The following RAB5C variants were observed in gnomAD, a reference collection of about 807,000 sequenced individuals.
RAB5C encodes ras-related protein Rab-5C.
In RAB5C, 4 loss-of-function variants were observed where a neutral mutation model predicts 25.2. That is an observed-to-expected ratio of 0.16 (90% CI 0.08 to 0.36). RAB5C has a LOEUF of 0.36. RAB5C is among the 10% of genes least tolerant of loss of function. The pLI is 1.00. For synonymous variants in RAB5C, 100 were observed against 106.4 expected (o/e 0.94, Z 0.37); for missense variants, 199 against 283.8 (o/e 0.70, Z 2.15).
At chr17:42,148,381 G>C (rs1219524935) in intron 1 of RAB5C, among the ~76,000 whole-genome samples, 2 of 143,676 alleles carry the variant, frequency 1.4e-5, no homozygotes, top group African/African-American at 5.4e-5. Context: ...TCCAGCCTGG[G>C]TGAGAGGTCA....
chr17:42,143,155 A>C (rs2079612673), intron 1 of RAB5C, among the ~76,000 whole-genome samples: 1 of 152,160 alleles, frequency 6.6e-6, no homozygotes, highest in Non-Finnish European at 1.5e-5. Context: ...CAGGGGGTAG[A>C]TTTCCCAGGT....
intron 1 of RAB5C, among the ~76,000 whole-genome samples, chr17:42,144,571 T>C (rs1009063154): frequency 6.6e-6 from 1 of 151,866 alleles, no homozygotes; most frequent in African/African-American, 2.4e-5. Flanking sequence ...CCCAGCACCT[T>C]GGGAGGCCGA....
Position 42,150,544 on chromosome 17 carries a change from C to CAAAAAAA in RAB5C, c.-89+4342_-89+4348dup, listed in dbSNP as rs759878778. ...GGGAGACAAGAGTGAAACTCCATCT[C>CAAAAAAA]AAAAAAAAAAAAAAAAAAAAAAAAA... On this transcript the variant is annotated intron_variant, in intron 1 of 5. Coordinates refer to ENST00000346213, the MANE Select transcript of RAB5C (RefSeq NM_004583.4). Among the ~76,000 whole-genome samples, 53 of 19,380 alleles carry CAAAAAAA rather than the reference C, an allele frequency of 2.7e-3. 10 individuals are homozygous for CAAAAAAA. The highest frequency in any genetic ancestry group is 0.011 in the African/African-American group (46 of 4,224). The allele number at this position is 19,380 out of a possible 152,430, so 12.7% of individuals were successfully genotyped here.
Position 42,125,675 on chromosome 17 carries a change from C to T in RAB5C, c.*108G>A. On this transcript the variant is annotated 3_prime_UTR_variant, in exon 6 of 6. Transcript: ENST00000346213. The stretch of plus-strand genomic sequence containing the variant: ...GGAGAAATCATGGTGGACCCCTCCC[C>T]CTGCCCCCCCAGTGGTGGCCCGAGT... 1 of 727,344 alleles carries T rather than the reference C, an allele frequency of 1.4e-6. No individual in the cohort carries two copies. The highest frequency in any genetic ancestry group is 2.3e-6 in the Non-Finnish European group (1 of 437,150). 45.1% of individuals were successfully genotyped at this position (727,344 alleles called of 1,614,324 possible).
intron 1 of RAB5C, among the ~76,000 whole-genome samples, chr17:42,143,251 TC>T (rs1480686279): frequency 1.3e-5 from 2 of 152,170 alleles, no homozygotes; most frequent in African/African-American, 4.8e-5. Context: ...TCCACATCAC[TC>T]TATGTCAACA....
intron 1 of RAB5C, chr17:42,131,754 A>G (rs950513512): frequency 3.2e-5 from 24 of 752,768 alleles, no homozygotes; most frequent in Non-Finnish European, 4.9e-5. Context: ...ACAGCTTCAG[A>G]GGCTCAACTT....
intron 1 of RAB5C, among the ~76,000 whole-genome samples, chr17:42,141,310 G>C (rs150516764): frequency 6.6e-6 from 1 of 152,188 alleles, no homozygotes; most frequent in African/African-American, 2.4e-5. Context: ...GGTTGTGAGA[G>C]AGAAAGCAAG....
At chr17:42,131,189 C>T (rs1047954378) in intron 1 of RAB5C, among the ~76,000 whole-genome samples, 7 of 152,264 alleles carry the variant, frequency 4.6e-5, no homozygotes, top group Middle Eastern at 3.4e-3. Context: ...CTCCTGCCAC[C>T]TTCAGAAGGA....
At chr17:42,135,603 G>C (rs568042237) in intron 1 of RAB5C, among the ~76,000 whole-genome samples, 2 of 152,282 alleles carry the variant, frequency 1.3e-5, no homozygotes, top group South Asian at 2.1e-4. Context: ...TGCACAACTC[G>C]TAAGTGTGCA....
chr17:42,147,106 C>CAGAA (rs909129542), intron 1 of RAB5C, among the ~76,000 whole-genome samples: 1 of 145,902 alleles, frequency 6.9e-6, no homozygotes, highest in Admixed American at 6.9e-5. Context: ...GAAGGAAAGA[C>CAGAA]AGAAAGAAAG....
chr17:42,140,077 G>T (rs1429001694), intron 1 of RAB5C, among the ~76,000 whole-genome samples: 1 of 152,170 alleles, frequency 6.6e-6, no homozygotes, highest in African/African-American at 2.4e-5. Flanking sequence ...AGAAGCACCA[G>T]CCAGGACAGC....
chr17:42,126,041 T>C (rs950882830), intron 5 of RAB5C, 143 bp from the exon 6 acceptor site: 2 of 640,224 alleles, frequency 3.1e-6, no homozygotes, highest in Non-Finnish European at 5.5e-6. Context: ...ATTCTGATTG[T>C]TTTCAGGAAA....
chr17:42,145,046 G>C, intron 1 of RAB5C, among the ~76,000 whole-genome samples: 1 of 148,434 alleles, frequency 6.7e-6, no homozygotes, highest in Admixed American at 6.9e-5. Context: ...GCGCCTATAG[G>C]CCTGTAGTCC....
At chr17:42,140,515 ATTTTTTT>A (rs10553272) in intron 1 of RAB5C, among the ~76,000 whole-genome samples, 20 of 26,598 alleles carry the variant, frequency 7.5e-4, no homozygotes, top group African/African-American at 1.3e-3. Flanking sequence ...ATATATATAT[ATTTTTTT>A]TTTTTTTTTT....
intron 1 of RAB5C, among the ~76,000 whole-genome samples, chr17:42,144,286 G>A (rs1409625253): frequency 6.7e-6 from 1 of 149,952 alleles, no homozygotes. Flanking sequence ...GTGAAACCCC[G>A]TAGCTACTAA....
chr17:42,137,850 G>GCACT (rs2054552945), intron 1 of RAB5C: 1 of 151,742 alleles, frequency 6.6e-6, no homozygotes, highest in Admixed American at 6.6e-5. Flanking sequence ...TAGTGCCACT[G>GCACT]CACTCCGGCC....
At position 42,146,604 on chromosome 17, in the gene RAB5C, C is replaced by T. The variant is rs1259879266; in HGVS notation, c.-89+8289G>A. On this transcript the variant is annotated intron_variant, in intron 1 of 5. Transcript: ENST00000346213. ...TCTCTACTAAAAATATAAAAATTAG[C>T]TGGGCATGGTGGCGTACGCCTGTAG... 2.0e-5 allele frequency among the ~76,000 whole-genome samples: 3 copies of T among 152,144 alleles called. No individual in the cohort carries two copies. The South Asian group carries it at 6.2e-4, about 31-fold the overall frequency.
chr17:42,135,261 T>C (rs1005685123), intron 1 of RAB5C, among the ~76,000 whole-genome samples: 4 of 135,814 alleles, frequency 2.9e-5, no homozygotes, highest in African/African-American at 8.5e-5. Context: ...CCACCTGTAA[T>C]TTTTTTTTTT....
At chr17:42,153,089 A>G (rs910974628) in intron 1 of RAB5C, among the ~76,000 whole-genome samples, 28 of 152,192 alleles carry the variant, frequency 1.8e-4, no homozygotes, top group African/African-American at 6.5e-4. Context: ...GTTGACCCTA[A>G]TAAGGAAGGC....
Sources: allele counts gnomAD v4.1 joint callset (sites outside exome capture counted in the v4.1 genomes callset), GRCh38; gene constraint gnomAD v4.1.1; transcripts MANE v1.5; gene names NCBI Gene and HGNC (gene_info 2026-07-23, HGNC 2026-07-21).